Variants in RANBP2 observed in about 807,000 individuals in gnomAD.
RANBP2 encodes E3 SUMO-protein ligase RanBP2.
RANBP2 carries 57 observed loss-of-function variants against 303.6 expected under a neutral mutation model. That is an observed-to-expected ratio of 0.19 (90% CI 0.15 to 0.23). RANBP2 has a LOEUF of 0.23. Ranked by LOEUF, RANBP2 falls within the 10% of genes least tolerant of loss-of-function variation. The pLI, the probability that RANBP2 is intolerant of heterozygous loss-of-function variation, is 1.00. For synonymous variants in RANBP2, 1,167 were observed against 1,301.5 expected, an observed-to-expected ratio of 0.90 and a Z score of 2.23; for missense variants, 3,138 against 3,780.8, an observed-to-expected ratio of 0.83 and a Z score of 4.46.
the RANBP2 span, among the ~76,000 whole-genome samples, chr2:109,501,199 G>A: frequency 1.7e-4 from 26 of 152,300 alleles, 1 homozygote; most frequent in Non-Finnish European, 3.2e-4. Flanking sequence ...CAGGGCAGGA[G>A]CGTGGATATG....
chr2:108,847,841 A>G, the RANBP2 span, among the ~76,000 whole-genome samples: 6 of 152,358 alleles, frequency 3.9e-5, no homozygotes, highest in South Asian at 2.1e-4. Flanking sequence ...GTAAAAAACC[A>G]TATAACTGCC....
the RANBP2 span, among the ~76,000 whole-genome samples, chr2:109,389,685 T>C: frequency 6.6e-6 from 1 of 152,348 alleles, no homozygotes; most frequent in African/African-American, 2.4e-5. Context: ...ATTTTGTGTA[T>C]GGCTATTTTA....
the RANBP2 span, among the ~76,000 whole-genome samples, chr2:109,102,396 G>A: frequency 3.3e-5 from 5 of 150,224 alleles, no homozygotes; most frequent in Non-Finnish European, 5.9e-5. Context: ...CACCGCGCCC[G>A]GCTGCCCATG....
the RANBP2 span, among the ~76,000 whole-genome samples, chr2:109,483,638 C>T: frequency 6.6e-6 from 1 of 152,202 alleles, no homozygotes; most frequent in African/African-American, 2.4e-5. Flanking sequence ...TGGGAATTGG[C>T]ATAGAGTTTG....
the RANBP2 span, among the ~76,000 whole-genome samples, chr2:108,907,417 G>A: frequency 1.5e-4 from 23 of 152,186 alleles, no homozygotes; most frequent in African/African-American, 4.8e-4. Context: ...AGGCCGAGGC[G>A]GGTGGATTGC....
intron 3 of RANBP2, 38 bp from the exon 4 acceptor site, chr2:108,731,284 A>C (rs763525042): frequency 6.2e-7 from 1 of 1,602,928 alleles, no homozygotes; most frequent in Admixed American, 1.7e-5. Flanking sequence ...CATACATACA[A>C]TTTATTTACT....
At chr2:109,200,110 A>G in the RANBP2 span, among the ~76,000 whole-genome samples, 1 of 152,140 alleles carries the variant, frequency 6.6e-6, no homozygotes, top group Non-Finnish European at 1.5e-5. Flanking sequence ...AGTGATGTGG[A>G]GGAAATGTTA....
chr2:109,715,057 T>A, the RANBP2 span, among the ~76,000 whole-genome samples: 4 of 151,950 alleles, frequency 2.6e-5, no homozygotes, highest in Non-Finnish European at 5.9e-5. Context: ...AATCTCTGCC[T>A]TCTGGGTTCA....
the RANBP2 span, among the ~76,000 whole-genome samples, chr2:109,225,679 T>G: frequency 1.3e-5 from 2 of 152,268 alleles, no homozygotes; most frequent in Non-Finnish European, 2.9e-5. Flanking sequence ...CCTGTAAATA[T>G]CAGGAACAGA....
At chr2:109,551,137 G>A in the RANBP2 span, among the ~76,000 whole-genome samples, 1 of 152,182 alleles carries the variant, frequency 6.6e-6, no homozygotes, top group East Asian at 1.9e-4. Context: ...ACGATATTTG[G>A]AGACATCATT....
the RANBP2 span, among the ~76,000 whole-genome samples, chr2:109,318,691 ATGCCCTGGCCAGAATCCGGGGC>A: frequency 1.3e-5 from 2 of 152,286 alleles, no homozygotes; most frequent in African/African-American, 2.4e-5. Flanking sequence ...CTCTCAGATC[ATGCCCTGGCCAGAATCCGGGGC>A]TGCCCTGGCC....
At chr2:109,626,084 A>G in the RANBP2 span, among the ~76,000 whole-genome samples, 1 of 152,256 alleles carries the variant, frequency 6.6e-6, no homozygotes, top group African/African-American at 2.4e-5. Flanking sequence ...AATTAAAATG[A>G]CAGGTGGACC....
At chr2:108,827,051 T>C in the RANBP2 span, among the ~76,000 whole-genome samples, 769 of 152,338 alleles carry the variant, frequency 5.0e-3, 9 homozygotes, top group African/African-American at 0.015. Flanking sequence ...TGTACATTAC[T>C]AATATATGGT....
chr2:109,694,389 G>A, the RANBP2 span, among the ~76,000 whole-genome samples: 1 of 150,672 alleles, frequency 6.6e-6, no homozygotes, highest in Non-Finnish European at 1.5e-5. Context: ...CTGCAGAGCT[G>A]TGAGCCAACT....
chr2:109,226,723 A>G, the RANBP2 span, among the ~76,000 whole-genome samples: 7 of 152,316 alleles, frequency 4.6e-5, no homozygotes, highest in African/African-American at 1.7e-4. Context: ...ATCTCCACGC[A>G]GAAGGCGTGG....
the RANBP2 span, among the ~76,000 whole-genome samples, chr2:109,239,109 C>T: frequency 2.2e-4 from 33 of 152,310 alleles, no homozygotes; most frequent in Admixed American, 5.9e-4. Context: ...GTCCAAGACA[C>T]GTCTTTTCCG....
chr2:109,042,041 T>C, the RANBP2 span, among the ~76,000 whole-genome samples: 1 of 152,178 alleles, frequency 6.6e-6, no homozygotes, highest in African/African-American at 2.4e-5. Flanking sequence ...TATAGGTAGT[T>C]TGGGGTTTCC....
At chr2:109,449,055 A>G in the RANBP2 span, 3 of 1,261,280 alleles carry the variant, frequency 2.4e-6, no homozygotes, top group South Asian at 4.5e-5. Flanking sequence ...GAAACTTCAG[A>G]GAGAGGCTGT....
At chr2:109,570,678 T>C in the RANBP2 span, among the ~76,000 whole-genome samples, 1 of 151,760 alleles carries the variant, frequency 6.6e-6, no homozygotes, top group Non-Finnish European at 1.5e-5. Context: ...CCTGCCACCA[T>C]GCCCAGCTAA....
Sources: gnomAD v4.1 joint callset for allele counts (sites outside exome capture counted in the v4.1 genomes callset) on GRCh38, gnomAD v4.1.1 for gene constraint, MANE v1.5 for transcripts, NCBI Gene and HGNC (gene_info 2026-07-23, HGNC 2026-07-21) for gene names.